The following CDH12 variants were observed in gnomAD, a reference collection of about 807,000 sequenced individuals.
The protein encoded by CDH12 is cadherin-12.
A neutral mutation model predicts 74.1 loss-of-function variants in CDH12; 41 were observed. The ratio of observed to expected loss-of-function variants is 0.55; its 90% CI spans 0.43 to 0.72. CDH12 has a LOEUF of 0.72. Ranked by LOEUF, CDH12 falls within the 30% of genes least tolerant of loss-of-function variation. The pLI is 0.00. For missense variants in CDH12, 945 were observed against 977.2 expected, an observed-to-expected ratio of 0.97 and a Z score of 0.44; for synonymous variants, 399 against 355.0, an observed-to-expected ratio of 1.12 and a Z score of -1.39.
chr5:21,768,657 C>A (rs1013469367), intron 11 of CDH12, among the ~76,000 whole-genome samples: 3 of 151,900 alleles, frequency 2.0e-5, no homozygotes, highest in Admixed American at 1.3e-4. Context: ...AATGAAAAAT[C>A]TCCTCATCAA....
intron 3 of CDH12, among the ~76,000 whole-genome samples, chr5:22,261,155 A>C (rs1436195356): frequency 6.6e-6 from 1 of 151,726 alleles, no homozygotes; most frequent in Admixed American, 6.6e-5. Context: ...ATTTGCATCA[A>C]TCTAATATGC....
chr5:22,713,511 T>C (rs1743402301), intron 1 of CDH12, among the ~76,000 whole-genome samples: 1 of 152,102 alleles, frequency 6.6e-6, no homozygotes, highest in Non-Finnish European at 1.5e-5. Context: ...GTAATATTCA[T>C]GTCTCAGGGT....
intron 3 of CDH12, among the ~76,000 whole-genome samples, chr5:22,319,564 AAAGT>A (rs1470928609): frequency 6.6e-6 from 1 of 152,190 alleles, no homozygotes; most frequent in Non-Finnish European, 1.5e-5. Context: ...ACAATGATAA[AAAGT>A]AAGAATTAGA....
At chr5:22,042,636 AG>A (rs1187358526) in intron 5 of CDH12, among the ~76,000 whole-genome samples, 1 of 152,184 alleles carries the variant, frequency 6.6e-6, no homozygotes, top group Admixed American at 6.5e-5. Flanking sequence ...CTATAATTAC[AG>A]CACATTGGGA....
At chr5:21,914,136 A>T (rs1753984447) in intron 6 of CDH12, among the ~76,000 whole-genome samples, 1 of 152,174 alleles carries the variant, frequency 6.6e-6, no homozygotes, top group African/African-American at 2.4e-5. Context: ...TGGCATAGAC[A>T]CTATCAATAC....
At chr5:21,771,622 A>C (rs1057193465) in intron 11 of CDH12, among the ~76,000 whole-genome samples, 2 of 152,110 alleles carry the variant, frequency 1.3e-5, no homozygotes, top group African/African-American at 4.8e-5. Context: ...GGCTCTTATT[A>C]TATAGATGAA....
At chr5:22,314,499 A>T (rs762340764) in intron 3 of CDH12, among the ~76,000 whole-genome samples, 3 of 152,194 alleles carry the variant, frequency 2.0e-5, no homozygotes, top group Non-Finnish European at 2.9e-5. Context: ...GAAGAAACTG[A>T]ACCTGCTGCC....
chr5:22,130,242 TAA>T (rs971091046), intron 4 of CDH12, among the ~76,000 whole-genome samples: 13 of 150,190 alleles, frequency 8.7e-5, no homozygotes, highest in Non-Finnish European at 1.6e-4. Context: ...GTGGGAGACA[TAA>T]AAGGGAACCA....
chr5:21,996,244 G>A (rs1416974838), intron 5 of CDH12, among the ~76,000 whole-genome samples: 13 of 151,862 alleles, frequency 8.6e-5, no homozygotes, highest in Non-Finnish European at 1.0e-4. Flanking sequence ...TGAAGGGATC[G>A]GCCCTCGCCA....
intron 3 of CDH12, among the ~76,000 whole-genome samples, chr5:22,339,164 A>G (rs1739735233): frequency 6.6e-6 from 1 of 152,230 alleles, no homozygotes; most frequent in Non-Finnish European, 1.5e-5. Context: ...GTAAATTTGT[A>G]GTAAACTTCT....
At chr5:21,813,412 A>G (rs1579751429) in intron 9 of CDH12, among the ~76,000 whole-genome samples, 1 of 152,090 alleles carries the variant, frequency 6.6e-6, no homozygotes, top group East Asian at 1.9e-4. Flanking sequence ...CCTGGGAGAC[A>G]GAGGTTGCAG....
intron 2 of CDH12, among the ~76,000 whole-genome samples, chr5:22,450,868 A>C (rs1308663033): frequency 2.8e-5 from 4 of 141,234 alleles, no homozygotes; most frequent in African/African-American, 1.0e-4. Context: ...AGACCCACCT[A>C]ATAAGCCACT....
chr5:21,884,723 A>C (rs1403764080), intron 6 of CDH12, among the ~76,000 whole-genome samples: 1 of 152,192 alleles, frequency 6.6e-6, no homozygotes, highest in Non-Finnish European at 1.5e-5. Context: ...AAGTAGAGAA[A>C]TATCCAATTA....
chr5:22,587,832 A>T (rs1475370099), intron 1 of CDH12, among the ~76,000 whole-genome samples: 3 of 150,548 alleles, frequency 2.0e-5, no homozygotes, highest in Non-Finnish European at 3.0e-5. Flanking sequence ...TTTTATAGAG[A>T]ACTTTTTTGG....
At chr5:22,740,364 T>C (rs1375701215) in intron 1 of CDH12, among the ~76,000 whole-genome samples, 2 of 151,984 alleles carry the variant, frequency 1.3e-5, no homozygotes, top group Admixed American at 1.3e-4. Flanking sequence ...TGTTCTTTTA[T>C]AGACACATGA....
chr5:22,762,154 T>G (rs1172188568), intron 1 of CDH12, among the ~76,000 whole-genome samples: 1 of 152,128 alleles, frequency 6.6e-6, no homozygotes, highest in Non-Finnish European at 1.5e-5. Flanking sequence ...ACGAAATGTA[T>G]GTAATGTGTA....
In CDH12 at chr5:21,926,436, CTT is replaced by C. The variant is rs1754586767; in HGVS notation, c.526+48653_526+48654del. ...ATATCTTAATTTAGTTCCTGTCTCTCTTTGTCTTTCCTCTATATATCTATCTA... is the reference window on the plus strand; with the variant it reads ...ATATCTTAATTTAGTTCCTGTCTCTCTGTCTTTCCTCTATATATCTATCTA... On this transcript the variant is annotated intron_variant, in intron 6 of 14. Coordinates refer to ENST00000382254, the MANE Select transcript of CDH12 (RefSeq NM_004061.5). 5.3e-5 allele frequency among the ~76,000 whole-genome samples: 8 copies of C among 152,282 alleles called. No individual in the cohort carries two copies. In the South Asian group the frequency reaches 1.7e-3, roughly 32 times the overall value.
At chr5:21,975,678 A>T (rs1308770964) in intron 5 of CDH12, among the ~76,000 whole-genome samples, 1 of 152,112 alleles carries the variant, frequency 6.6e-6, no homozygotes, top group Admixed American at 6.6e-5. Flanking sequence ...GATAGATCTC[A>T]TATCTATTCT....
At chr5:22,690,117 G>T (rs1182861113) in intron 1 of CDH12, among the ~76,000 whole-genome samples, 1 of 152,010 alleles carries the variant, frequency 6.6e-6, no homozygotes, top group East Asian at 1.9e-4. Flanking sequence ...CAGTAAGAAG[G>T]CACTCACAAA....
Sources: gnomAD v4.1 joint callset for allele counts (sites outside exome capture counted in the v4.1 genomes callset) on GRCh38, gnomAD v4.1.1 for gene constraint, MANE v1.5 for transcripts, NCBI Gene and HGNC (gene_info 2026-07-23, HGNC 2026-07-21) for gene names.